The following ASAP1 variants were observed in gnomAD, a reference collection of about 807,000 sequenced individuals.
The protein encoded by ASAP1 is arf-GAP with SH3 domain, ANK repeat and PH domain-containing protein 1.
Under a neutral mutation model 145.2 loss-of-function variants are expected in ASAP1, and 43 were observed. The observed-to-expected ratio is 0.30, with a 90% confidence interval of 0.23 to 0.38. ASAP1 has a LOEUF of 0.38. Among genes scored for constraint, ASAP1 ranks in the 10% least tolerant of loss-of-function variants. The pLI, the probability that ASAP1 is intolerant of heterozygous loss-of-function variation, is 1.00. For missense variants in ASAP1, 1,018 were observed against 1,355.3 expected, an observed-to-expected ratio of 0.75 and a Z score of 3.91; for synonymous variants, 546 against 515.5, an observed-to-expected ratio of 1.06 and a Z score of -0.80.
At chr8:130,130,600 T>C (rs1027065126) in intron 15 of ASAP1, among the ~76,000 whole-genome samples, 1 of 152,238 alleles carries the variant, frequency 6.6e-6, no homozygotes, top group Non-Finnish European at 1.5e-5. Flanking sequence ...TGTATTTTAA[T>C]ACTTTAAACG....
chr8:130,133,829 C>T (rs79920663), intron 15 of ASAP1, among the ~76,000 whole-genome samples: 137 of 152,328 alleles, frequency 9.0e-4, no homozygotes, highest in African/African-American at 3.2e-3. Context: ...GCCTGGCTCA[C>T]CTGCTCCTCT....
At chr8:130,403,549 T>TTTTTC (rs1419430570) in intron 1 of ASAP1, among the ~76,000 whole-genome samples, 11 of 130,030 alleles carry the variant, frequency 8.5e-5, no homozygotes, top group South Asian at 2.2e-4. Context: ...TTTCTTTTTC[T>TTTTTC]TTTTCTTTTT....
At position 130,134,280 on chromosome 8, in the gene ASAP1, T is replaced by C; in HGVS notation, c.1217+16A>G. The C allele has an allele frequency of 6.4e-7, 1 of 1,566,256 alleles. No homozygotes were observed. Among genetic ancestry groups the C allele is most frequent in the Non-Finnish European group, 8.7e-7 (1 of 1,152,728 alleles). On this transcript the variant is annotated intron_variant, in intron 15 of 29. Transcript: ENST00000518721. ...TTCAATCCAAGGCATCGCACCTTTA[T>C]TTCAAAACTACTTACGCTACATAAT... is the stretch of plus-strand genomic sequence containing the variant.
intron 12 of ASAP1, among the ~76,000 whole-genome samples, chr8:130,153,022 T>C (rs112096914): frequency 0.023 from 3,467 of 151,998 alleles, 137 homozygotes; most frequent in African/African-American, 0.078. Flanking sequence ...CACTGCTTTT[T>C]AATTTTTTTT....
At chr8:130,232,024 A>G (rs1445394880) in intron 4 of ASAP1, among the ~76,000 whole-genome samples, 1 of 152,206 alleles carries the variant, frequency 6.6e-6, no homozygotes, top group Non-Finnish European at 1.5e-5. Context: ...TTGCATGGCT[A>G]GTAAGTGAGT....
intron 4 of ASAP1, among the ~76,000 whole-genome samples, chr8:130,228,260 A>G (rs1479690434): frequency 2.6e-5 from 4 of 152,226 alleles, no homozygotes; most frequent in Non-Finnish European, 5.9e-5. Flanking sequence ...GGTGGCATAG[A>G]ACACCCCCCA....
At chr8:130,183,513 G>C (rs544289459) in intron 7 of ASAP1, among the ~76,000 whole-genome samples, 42 of 151,976 alleles carry the variant, frequency 2.8e-4, no homozygotes, top group African/African-American at 9.9e-4. Context: ...GCTAATTTTT[G>C]TATTTTTTAG....
At chr8:130,298,617 T>C (rs1435076890) in intron 3 of ASAP1, among the ~76,000 whole-genome samples, 2 of 152,228 alleles carry the variant, frequency 1.3e-5, no homozygotes, top group Non-Finnish European at 2.9e-5. Flanking sequence ...TCCATGCCTT[T>C]CCAAGATAAG....
intron 3 of ASAP1, among the ~76,000 whole-genome samples, chr8:130,259,591 G>A (rs1046003967): frequency 6.6e-6 from 1 of 152,152 alleles, no homozygotes; most frequent in Non-Finnish European, 1.5e-5. Context: ...AGTAAAATTG[G>A]CATAAATTAG....
chr8:130,061,133 TA>T (rs2097418688), intron 27 of ASAP1, 64 bp from the exon 28 acceptor site: 1 of 1,511,192 alleles, frequency 6.6e-7, no homozygotes, highest in Non-Finnish European at 8.8e-7. Flanking sequence ...GTCAGTCACC[TA>T]AAAGAGGCAC....
intron 7 of ASAP1, among the ~76,000 whole-genome samples, chr8:130,182,080 G>T (rs752739976): frequency 6.6e-6 from 1 of 152,198 alleles, no homozygotes; most frequent in African/African-American, 2.4e-5. Context: ...TGCCACCTTG[G>T]CAGTCGAAGA....
At chr8:130,429,930 CATG>C (rs1346822937) in intron 1 of ASAP1, among the ~76,000 whole-genome samples, 2 of 152,228 alleles carry the variant, frequency 1.3e-5, no homozygotes, top group Non-Finnish European at 2.9e-5. Context: ...CCACTCATTT[CATG>C]ATGATACATC....
intron 3 of ASAP1, among the ~76,000 whole-genome samples, chr8:130,282,552 C>T (rs893596386): frequency 6.6e-6 from 1 of 152,164 alleles, no homozygotes; most frequent in Non-Finnish European, 1.5e-5. Flanking sequence ...AATGTAACTG[C>T]AAGCACTTAA....
At chr8:130,430,222 A>C (rs1398169198) in intron 1 of ASAP1, among the ~76,000 whole-genome samples, 1 of 152,254 alleles carries the variant, frequency 6.6e-6, no homozygotes, top group Non-Finnish European at 1.5e-5. Flanking sequence ...ACATGAATTA[A>C]GCATCTGGTC....
At chr8:130,400,100 G>A (rs150257421) in intron 2 of ASAP1, among the ~76,000 whole-genome samples, 204 of 152,290 alleles carry the variant, frequency 1.3e-3, no homozygotes, top group African/African-American at 4.8e-3. Flanking sequence ...GATTACAGGC[G>A]TGAGCCATCG....
intron 3 of ASAP1, among the ~76,000 whole-genome samples, chr8:130,329,202 C>A (rs142401497): frequency 6.6e-6 from 1 of 152,174 alleles, no homozygotes; most frequent in Non-Finnish European, 1.5e-5. Context: ...AGTGACACAG[C>A]GGTTCACTAA....
intron 4 of ASAP1, among the ~76,000 whole-genome samples, chr8:130,224,013 T>C (rs1320940573): frequency 6.6e-6 from 1 of 152,188 alleles, no homozygotes; most frequent in African/African-American, 2.4e-5. Context: ...TCAATGTAAG[T>C]GTAACCTACC....
chr8:130,333,355 A>C (rs1824819637), intron 3 of ASAP1, among the ~76,000 whole-genome samples: 1 of 152,182 alleles, frequency 6.6e-6, no homozygotes, highest in Non-Finnish European at 1.5e-5. Flanking sequence ...TCATCCCAGC[A>C]CTTTGGGAGG....
chr8:130,351,173 C>T (rs913800953), intron 3 of ASAP1, among the ~76,000 whole-genome samples: 4 of 152,164 alleles, frequency 2.6e-5, no homozygotes, highest in African/African-American at 9.7e-5. Context: ...TAATAGATGC[C>T]TTTCTCACGG....
Sources: allele counts gnomAD v4.1 joint callset (sites outside exome capture counted in the v4.1 genomes callset), GRCh38; gene constraint gnomAD v4.1.1; transcripts MANE v1.5; gene names NCBI Gene and HGNC (gene_info 2026-07-23, HGNC 2026-07-21).